CCDC148: variants seen among roughly 807,000 people sequenced by gnomAD.
CCDC148 encodes coiled-coil domain containing 148.
Under a neutral mutation model 85.7 loss-of-function variants are expected in CCDC148, and 89 were observed. That is an observed-to-expected ratio of 1.04 (90% CI 0.87 to 1.24). The LOEUF (loss-of-function observed/expected upper bound fraction) is 1.24. Among genes scored for constraint, CCDC148 ranks in the 50% most tolerant of loss-of-function variants. CCDC148 has a pLI of 0.00. For synonymous variants in CCDC148, 230 were observed against 213.9 expected, an observed-to-expected ratio of 1.08 and a Z score of -0.66; for missense variants, 692 against 671.7, an observed-to-expected ratio of 1.03 and a Z score of -0.33.
intron 1 of CCDC148, among the ~76,000 whole-genome samples, chr2:158,396,504 A>T (rs1156859327): frequency 1.3e-5 from 2 of 152,086 alleles, no homozygotes; most frequent in African/African-American, 4.8e-5. Context: ...CATTTGAGTC[A>T]GTGGCCTCTG....
intron 2 of CCDC148, among the ~76,000 whole-genome samples, chr2:158,348,503 T>G (rs959332927): frequency 2.0e-5 from 3 of 151,878 alleles, no homozygotes; most frequent in African/African-American, 7.2e-5. Flanking sequence ...TAAGACAAAA[T>G]TTTTGAGACA....
At chr2:158,331,196 C>A (rs938134903) in intron 7 of CCDC148, among the ~76,000 whole-genome samples, 5 of 152,128 alleles carry the variant, frequency 3.3e-5, no homozygotes, top group African/African-American at 9.7e-5. Flanking sequence ...CCCAGAGATT[C>A]TGGTAGGTTG....
At chr2:158,259,629 A>G (rs1186144129) in intron 9 of CCDC148, among the ~76,000 whole-genome samples, 2 of 151,830 alleles carry the variant, frequency 1.3e-5, no homozygotes, top group East Asian at 3.9e-4. Flanking sequence ...GCCTCTTAAT[A>G]GCAGTGGCTT....
chr2:158,231,714 T>C (rs1220457397), intron 10 of CCDC148, among the ~76,000 whole-genome samples: 2 of 152,202 alleles, frequency 1.3e-5, no homozygotes, highest in East Asian at 1.9e-4. Flanking sequence ...CATTGTGTCA[T>C]GTCTAACACA....
intron 1 of CCDC148, among the ~76,000 whole-genome samples, chr2:158,377,764 A>G (rs551732223): frequency 6.6e-6 from 1 of 152,130 alleles, no homozygotes; most frequent in South Asian, 2.1e-4. Flanking sequence ...TATATTTATT[A>G]TGGTGATCTA....
intron 1 of CCDC148, among the ~76,000 whole-genome samples, chr2:158,427,569 T>C (rs1422326178): frequency 1.3e-5 from 2 of 151,994 alleles, no homozygotes; most frequent in African/African-American, 2.4e-5. Flanking sequence ...TGAGATACTA[T>C]GGCAAGGAGG....
chr2:158,423,336 C>T (rs555747405), intron 1 of CCDC148, among the ~76,000 whole-genome samples: 1 of 152,276 alleles, frequency 6.6e-6, no homozygotes, highest in South Asian at 2.1e-4. Context: ...AACTATACTA[C>T]AAGGCTACAG....
At chr2:158,195,805 C>T (rs558915199) in intron 11 of CCDC148, among the ~76,000 whole-genome samples, 11 of 152,234 alleles carry the variant, frequency 7.2e-5, no homozygotes, top group Non-Finnish European at 1.0e-4. Context: ...AGGATGCCTC[C>T]CACTTTTCTT....
At chr2:158,342,029 T>C (rs1449297520) in intron 3 of CCDC148, among the ~76,000 whole-genome samples, 2 of 128,652 alleles carry the variant, frequency 1.6e-5, no homozygotes, top group African/African-American at 2.9e-5. Context: ...TTCTTTTCTT[T>C]TTTTTTTTTT....
intron 1 of CCDC148, among the ~76,000 whole-genome samples, chr2:158,424,012 A>G (rs1044358431): frequency 2.6e-5 from 4 of 152,218 alleles, no homozygotes; most frequent in Non-Finnish European, 4.4e-5. Context: ...CAAAACCACA[A>G]TGAGATACTA....
At chr2:158,311,008 G>C (rs1176673081) in intron 8 of CCDC148, among the ~76,000 whole-genome samples, 1 of 152,078 alleles carries the variant, frequency 6.6e-6, no homozygotes, top group African/African-American at 2.4e-5. Context: ...CCGGGCAGAG[G>C]GGCTCCTCAC....
At chr2:158,440,019 C>G (rs1306681186) in intron 1 of CCDC148, among the ~76,000 whole-genome samples, 2 of 151,360 alleles carry the variant, frequency 1.3e-5, no homozygotes, top group South Asian at 4.1e-4. Flanking sequence ...CCATCACACC[C>G]AGATATTTTT....
At chr2:158,308,859 A>G (rs1691823932) in intron 9 of CCDC148, among the ~76,000 whole-genome samples, 2 of 152,020 alleles carry the variant, frequency 1.3e-5, no homozygotes. Context: ...CCAGTCCTCA[A>G]TCCTTCTAAC....
intron 9 of CCDC148, among the ~76,000 whole-genome samples, chr2:158,291,008 C>T (rs1690866543): frequency 6.6e-6 from 1 of 152,152 alleles, no homozygotes. Context: ...ACTACATCAT[C>T]TGTCACCGAG....
At chr2:158,253,355 A>G (rs1443139832) in intron 9 of CCDC148, among the ~76,000 whole-genome samples, 1 of 151,586 alleles carries the variant, frequency 6.6e-6, no homozygotes, top group Non-Finnish European at 1.5e-5. Context: ...CTTCCCTTAT[A>G]TGGCCATTCC....
chr2:158,332,621 T>C (rs967956901), intron 7 of CCDC148, among the ~76,000 whole-genome samples: 2 of 151,720 alleles, frequency 1.3e-5, no homozygotes, highest in African/African-American at 4.9e-5. Context: ...CCAGCTCCTC[T>C]TTGTACCTCT....
rs1229497641 is a variant in CCDC148 at position 158,440,023 on chromosome 2, TA to T, written c.25+16391del. Among the ~76,000 whole-genome samples the T allele has an allele frequency of 4.0e-5, 6 of 151,032 alleles. No homozygotes were observed. In the South Asian group the frequency reaches 6.2e-4, roughly 16 times the overall value. On this transcript the variant is annotated intron_variant, in intron 1 of 13. Transcript: ENST00000283233. ...ACAGGCATGTTCCATCACACCCAGATATTTTTTTTTTTTACTATTACTTTTA... is the reference window on the plus strand; with the variant it reads ...ACAGGCATGTTCCATCACACCCAGATTTTTTTTTTTTTACTATTACTTTTA...
At chr2:158,230,862 AG>A (rs746859999) in intron 10 of CCDC148, among the ~76,000 whole-genome samples, 4 of 152,286 alleles carry the variant, frequency 2.6e-5, no homozygotes, top group Admixed American at 1.3e-4. Flanking sequence ...GCTCATTGAG[AG>A]ATTCCATGTG....
intron 1 of CCDC148, among the ~76,000 whole-genome samples, chr2:158,431,322 T>C (rs1687337839): frequency 6.6e-6 from 1 of 151,222 alleles, no homozygotes; most frequent in African/African-American, 2.4e-5. Flanking sequence ...CATAAAAAAA[T>C]CTTAAAAACT....
Sources: gnomAD v4.1 joint callset for allele counts (sites outside exome capture counted in the v4.1 genomes callset) on GRCh38, gnomAD v4.1.1 for gene constraint, MANE v1.5 for transcripts, NCBI Gene and HGNC (gene_info 2026-07-23, HGNC 2026-07-21) for gene names.